The following LYPLAL1 variants were observed in gnomAD, a reference collection of about 807,000 sequenced individuals.
LYPLAL1 encodes lysophospholipase-like protein 1.
LYPLAL1 carries 23 observed loss-of-function variants against 19.7 expected under a neutral mutation model. The observed-to-expected ratio is 1.17, with a 90% CI of 0.84 to 1.65. The LOEUF (loss-of-function observed/expected upper bound fraction) is 1.65, where lower values mean the gene tolerates loss of function less well. LYPLAL1 is among the 40% of genes most tolerant of loss of function. The pLI is 0.00. For synonymous variants in LYPLAL1, 119 were observed against 96.3 expected (o/e 1.24, Z -1.38); for missense variants, 355 against 279.4 (o/e 1.27, Z -1.93).
At chr1:219,176,728 G>A (rs764140841) in intron 1 of LYPLAL1, among the ~76,000 whole-genome samples, 30 of 152,194 alleles carry the variant, frequency 2.0e-4, no homozygotes, top group South Asian at 4.1e-4. Context: ...TTGTGTCACT[G>A]GTGTATAGGT....
chr1:219,395,750 G>T, the LYPLAL1 span, among the ~76,000 whole-genome samples: 1 of 152,006 alleles, frequency 6.6e-6, no homozygotes, highest in African/African-American at 2.4e-5. Context: ...TATAATTTTG[G>T]GTTTTACATT....
chr1:219,349,703 G>C, the LYPLAL1 span, among the ~76,000 whole-genome samples: 3 of 152,160 alleles, frequency 2.0e-5, no homozygotes, highest in African/African-American at 7.2e-5. Flanking sequence ...AAAGTGGAGA[G>C]AGTGGGAATC....
intron 2 of LYPLAL1, among the ~76,000 whole-genome samples, chr1:219,186,622 A>T: frequency 6.6e-6 from 1 of 151,834 alleles, no homozygotes; most frequent in East Asian, 1.9e-4. Flanking sequence ...AATATAGTAT[A>T]TCTCAGCTTC....
At position 219,210,469 on chromosome 1, in the gene LYPLAL1, T is replaced by A. The variant is rs565272036; in HGVS notation, c.362-63T>A. ...ATATTTTAAAAATATGGAAAATTGT[T>A]ATATATCATATCCTAAATTATTATT... On this transcript the variant is annotated intron_variant, in intron 3 of 4. Transcript: ENST00000366928. The A allele has an allele frequency of 5.5e-6, 6 of 1,098,218 alleles. No individual in the cohort carries two copies. The East Asian group carries it at 1.3e-4, about 24-fold the overall frequency. 68.0% of individuals were successfully genotyped at this position (1,098,218 alleles called of 1,614,324 possible). A position where few individuals can be genotyped will look rare whatever the true frequency, so the allele number is the denominator to read the frequency against.
the LYPLAL1 span, among the ~76,000 whole-genome samples, chr1:219,436,885 T>G: frequency 4.6e-5 from 7 of 152,334 alleles, no homozygotes; most frequent in African/African-American, 1.7e-4. Context: ...ATAACAATTT[T>G]TCCAGGTTCT....
the LYPLAL1 span, among the ~76,000 whole-genome samples, chr1:219,231,780 G>A: frequency 3.3e-5 from 5 of 152,224 alleles, no homozygotes; most frequent in Middle Eastern, 3.4e-3. Context: ...AGCTCGGCAT[G>A]CCTCCCTTAC....
chr1:219,257,482 C>T, the LYPLAL1 span, among the ~76,000 whole-genome samples: 1 of 150,076 alleles, frequency 6.7e-6, no homozygotes, highest in East Asian at 2.0e-4. Context: ...AGAAAGAGTA[C>T]AAAGAGAGGA....
the LYPLAL1 span, among the ~76,000 whole-genome samples, chr1:219,439,796 A>G: frequency 6.6e-6 from 1 of 151,886 alleles, no homozygotes; most frequent in Admixed American, 6.6e-5. Flanking sequence ...CTTTTATGGA[A>G]TCATCAAATA....
At chr1:219,311,446 T>C in the LYPLAL1 span, among the ~76,000 whole-genome samples, 73 of 152,056 alleles carry the variant, frequency 4.8e-4, no homozygotes, top group Non-Finnish European at 5.1e-4. Flanking sequence ...GTAGGAACAA[T>C]ATCAGCATTA....
At chr1:219,291,765 A>C in the LYPLAL1 span, among the ~76,000 whole-genome samples, 1 of 145,698 alleles carries the variant, frequency 6.9e-6, no homozygotes, top group African/African-American at 2.5e-5. Flanking sequence ...AGGGTTACAA[A>C]TGCCTTCATG....
chr1:219,264,009 T>C, the LYPLAL1 span, among the ~76,000 whole-genome samples: 2 of 152,210 alleles, frequency 1.3e-5, no homozygotes, highest in Non-Finnish European at 2.9e-5. Flanking sequence ...CATGCTGTCC[T>C]GTCTGTCCAA....
the LYPLAL1 span, among the ~76,000 whole-genome samples, chr1:219,384,132 C>T: frequency 3.9e-5 from 6 of 152,196 alleles, no homozygotes; most frequent in Admixed American, 1.3e-4. Flanking sequence ...GAAATGCGAA[C>T]ATCCATTTTC....
chr1:219,349,551 G>T, the LYPLAL1 span, among the ~76,000 whole-genome samples: 1 of 152,194 alleles, frequency 6.6e-6, no homozygotes, highest in South Asian at 2.1e-4. Context: ...GAGTGTGCGT[G>T]CATGTGATCA....
At chr1:219,298,302 C>T in the LYPLAL1 span, among the ~76,000 whole-genome samples, 1 of 152,078 alleles carries the variant, frequency 6.6e-6, no homozygotes, top group African/African-American at 2.4e-5. Flanking sequence ...GGAGTAAGAC[C>T]CTGTCTCAAA....
the LYPLAL1 span, among the ~76,000 whole-genome samples, chr1:219,220,464 A>G: frequency 6.6e-6 from 1 of 151,914 alleles, no homozygotes; most frequent in Admixed American, 6.6e-5. Context: ...CCATTAGGTA[A>G]AAGAGCATCA....
At chr1:219,437,460 C>T in the LYPLAL1 span, among the ~76,000 whole-genome samples, 3 of 152,200 alleles carry the variant, frequency 2.0e-5, no homozygotes, top group East Asian at 1.9e-4. Flanking sequence ...GTCTCTTACC[C>T]GAACTCTTGC....
the LYPLAL1 span, among the ~76,000 whole-genome samples, chr1:219,341,067 T>C: frequency 2.6e-5 from 4 of 152,052 alleles, no homozygotes; most frequent in African/African-American, 7.2e-5. Flanking sequence ...TCTGTATCTG[T>C]CTAATCTACC....
the LYPLAL1 span, among the ~76,000 whole-genome samples, chr1:219,421,769 G>A: frequency 6.6e-6 from 1 of 152,078 alleles, no homozygotes; most frequent in African/African-American, 2.4e-5. Context: ...TTCAGGATGA[G>A]CTAGTTTCTC....
chr1:219,205,110 G>A (rs1342211458), intron 3 of LYPLAL1, among the ~76,000 whole-genome samples: 1 of 151,974 alleles, frequency 6.6e-6, no homozygotes, highest in Non-Finnish European at 1.5e-5. Context: ...CACATAAAAA[G>A]CACTCAGTAG....
Sources: gnomAD v4.1 joint callset for allele counts (sites outside exome capture counted in the v4.1 genomes callset) on GRCh38, gnomAD v4.1.1 for gene constraint, MANE v1.5 for transcripts, NCBI Gene and HGNC (gene_info 2026-07-23, HGNC 2026-07-21) for gene names.